The following KANSL2 variants were observed in gnomAD, a reference collection of about 807,000 sequenced individuals.
The protein encoded by KANSL2 is NSL complex protein NSL2.
A neutral mutation model predicts 55.6 loss-of-function variants in KANSL2; 34 were observed. The observed-to-expected ratio is 0.61, with a 90% CI of 0.46 to 0.81. The LOEUF (loss-of-function observed/expected upper bound fraction) is 0.81. KANSL2 is among the 40% of genes least tolerant of loss of function. The probability of loss-of-function intolerance (pLI) is 0.00; values close to 1 mark genes in which losing one functional copy is unlikely to be tolerated. For synonymous variants in KANSL2, 209 were observed against 214.3 expected, an observed-to-expected ratio of 0.98 and a Z score of 0.22; for missense variants, 502 against 609.9, an observed-to-expected ratio of 0.82 and a Z score of 1.86.
intron 5 of KANSL2, among the ~76,000 whole-genome samples, chr12:48,671,292 A>C (rs1939709045): frequency 6.8e-6 from 1 of 147,338 alleles, no homozygotes; most frequent in Non-Finnish European, 1.5e-5. Flanking sequence ...AAAAAAAATG[A>C]AAGTAAAAAA....
chr12:48,675,581 A>G (rs1199429620), intron 4 of KANSL2, among the ~76,000 whole-genome samples: 2 of 152,228 alleles, frequency 1.3e-5, no homozygotes, highest in Non-Finnish European at 2.9e-5. Context: ...AAATTGTTTT[A>G]AAAAATTAAT....
chr12:48,662,919 G>T (rs1243074768), intron 7 of KANSL2, among the ~76,000 whole-genome samples: 2 of 151,998 alleles, frequency 1.3e-5, no homozygotes, highest in Non-Finnish European at 2.9e-5. Context: ...GTGAAAAAAG[G>T]GCATTCACAA....
intron 9 of KANSL2, chr12:48,654,673 C>T: frequency 1.9e-6 from 1 of 531,360 alleles, no homozygotes; most frequent in Non-Finnish European, 3.5e-6. Flanking sequence ...AATGTATGTC[C>T]TACTCTGGGA....
intron 4 of KANSL2, among the ~76,000 whole-genome samples, chr12:48,674,146 C>G (rs1939778988): frequency 6.6e-6 from 1 of 151,928 alleles, no homozygotes; most frequent in African/African-American, 2.4e-5. Context: ...TGCTTTATTA[C>G]TTTTTCGTTT....
rs1000654104 is a variant in KANSL2, at chr12:48,659,276, A to G, written c.1227+1090T>C. On this transcript the variant is annotated intron_variant, in intron 8 of 9. Coordinates refer to ENST00000420613, the MANE Select transcript of KANSL2 (RefSeq NM_017822.4). ...ATCACTGCACTCCAGCTTGAACAAC[A>G]GAACAAGACTCAGTCTAAAAAAAAA... Among the ~76,000 whole-genome samples the G allele has an allele frequency of 8.6e-5, 13 of 151,380 alleles. 1 individual carries two copies. In the East Asian group the frequency reaches 2.6e-3, roughly 30 times the overall value.
chr12:48,673,348 T>C (rs1041794290), intron 4 of KANSL2, among the ~76,000 whole-genome samples: 1 of 151,174 alleles, frequency 6.6e-6, no homozygotes, highest in Non-Finnish European at 1.5e-5. Context: ...TCACCTGAGG[T>C]CAGGTGTTCA....
intron 5 of KANSL2, among the ~76,000 whole-genome samples, chr12:48,670,362 G>T (rs1939688185): frequency 6.6e-6 from 1 of 152,062 alleles, no homozygotes; most frequent in African/African-American, 2.4e-5. Context: ...GCCTCAGGCA[G>T]TTCTCTCAGA....
Position 48,660,473 on chromosome 12 carries a change from C to A in KANSL2, c.1120G>T (p.Glu374Ter). The A allele has an allele frequency of 1.2e-6, 2 of 1,613,808 alleles. No homozygotes were observed. Residue 374 changes from glutamate (E) to a stop codon, truncating the protein, a stop_gained, in exon 8 of 10, where the codon GAG becomes TAG. Coordinates refer to ENST00000420613, the MANE Select transcript of KANSL2 (RefSeq NM_017822.4). LOFTEE classifies it high-confidence loss of function. ...TCGTCTGGCACAGACAGTACCTGCTCGGGCTTATACATCTGAGGAGGCAAC... is the reference window on the plus strand; with the variant it reads ...TCGTCTGGCACAGACAGTACCTGCTAGGGCTTATACATCTGAGGAGGCAAC... ...FQLPPQMYKP[E>*]QVLSVPDDLE...
Position 48,660,512 on chromosome 12 carries a change from G to A in KANSL2, c.1081C>T (p.Pro361Ser), listed in dbSNP as rs1215283905. The change falls in exon 8 of 10, where the codon CCA (proline) becomes TCA (serine). Residue 361 changes from proline to serine, a missense_variant. Pro to Ser is a moderately conservative substitution (Grantham distance 74). Coordinates refer to ENST00000420613, the MANE Select transcript of KANSL2 (RefSeq NM_017822.4). Reference protein sequence around the residue: ...PVSLSEDPCCPLHFQLPPQMY... With the variant: ...PVSLSEDPCCSLHFQLPPQMY... ...TGAGGAGGCAACTGGAAATGCAGTG[G>A]GCAGCAGGGATCCTCAGAGAGGCTT... is the stretch of plus-strand genomic sequence containing the variant. 1 of 1,613,752 alleles carries A rather than the reference G, an allele frequency of 6.2e-7. No homozygotes were observed. The highest frequency in any genetic ancestry group is 2.2e-5 in the East Asian group (1 of 44,882).
In KANSL2 at chr12:48,653,526, TA is replaced by T. The variant is rs1939321597; in HGVS notation, c.*517del. 6.5e-6 allele frequency: 1 copy of T among 152,754 alleles called. No individual in the cohort carries two copies. Among genetic ancestry groups the T allele is most frequent in the Non-Finnish European group, 1.5e-5 (1 of 68,110 alleles). The allele number at this position is 152,754 out of a possible 1,614,324, so 9.5% of individuals were successfully genotyped here. A position where few individuals can be genotyped will look rare whatever the true frequency, so the allele number is the denominator to read the frequency against. On this transcript the variant is annotated 3_prime_UTR_variant, in exon 10 of 10. Transcript: ENST00000420613. The stretch of plus-strand genomic sequence containing the variant: ...AGCAACCACAGAAATTTACATAGGT[TA>T]AAAGCAAGACGGATAAGGAGGACCC...
intron 4 of KANSL2, among the ~76,000 whole-genome samples, chr12:48,672,961 G>C (rs1939754327): frequency 6.6e-6 from 1 of 151,960 alleles, no homozygotes; most frequent in African/African-American, 2.4e-5. Flanking sequence ...GTTTCTCCAT[G>C]TTGGTCAGGC....
chr12:48,666,201 ACT>A (rs1379283577), intron 7 of KANSL2, among the ~76,000 whole-genome samples: 4 of 152,048 alleles, frequency 2.6e-5, no homozygotes, highest in East Asian at 3.9e-4. Context: ...ACAGAGTAAG[ACT>A]CTGTCTCAAA....
At chr12:48,661,146 G>T in intron 7 of KANSL2, 1 of 588,428 alleles carries the variant, frequency 1.7e-6, no homozygotes, top group Non-Finnish European at 2.1e-6. Context: ...CAGAGCTCTA[G>T]TAAAAGTCAC....
chr12:48,680,975 C>CA (rs937516148), intron 2 of KANSL2, among the ~76,000 whole-genome samples: 1 of 151,622 alleles, frequency 6.6e-6, no homozygotes, highest in African/African-American at 2.4e-5. Context: ...GTGCGCCGCC[C>CA]CCCCGCCAAA....
chr12:48,665,799 G>A (rs1319945489), intron 7 of KANSL2, among the ~76,000 whole-genome samples: 3 of 152,114 alleles, frequency 2.0e-5, no homozygotes, highest in African/African-American at 7.2e-5. Flanking sequence ...TGGTTCAAAG[G>A]CAAATTAATT....
At chr12:48,662,233 T>C (rs1939500998) in intron 7 of KANSL2, among the ~76,000 whole-genome samples, 1 of 152,134 alleles carries the variant, frequency 6.6e-6, no homozygotes, top group Admixed American at 6.5e-5. Context: ...GACTCCAAAG[T>C]AGCTGGGATT....
intron 4 of KANSL2, among the ~76,000 whole-genome samples, chr12:48,676,104 TTTTA>T (rs1939815951): frequency 6.6e-6 from 1 of 152,106 alleles, no homozygotes; most frequent in South Asian, 2.1e-4. Flanking sequence ...GTAGACAAGC[TTTTA>T]TTTATTTTTT....
chr12:48,673,159 T>G (rs1939758535), intron 4 of KANSL2, among the ~76,000 whole-genome samples: 1 of 152,212 alleles, frequency 6.6e-6, no homozygotes, highest in Non-Finnish European at 1.5e-5. Context: ...CAGCTAATTT[T>G]CTTGACAATA....
intron 2 of KANSL2, among the ~76,000 whole-genome samples, chr12:48,680,972 G>GCCC (rs71453824): frequency 2.7e-5 from 4 of 148,238 alleles, no homozygotes; most frequent in African/African-American, 1.0e-4. Flanking sequence ...TCTGTGCGCC[G>GCCC]CCCCCCCGCC....
Sources: gnomAD v4.1 joint callset for allele counts (sites outside exome capture counted in the v4.1 genomes callset) on GRCh38, gnomAD v4.1.1 for gene constraint, MANE v1.5 for transcripts, NCBI Gene and HGNC (gene_info 2026-07-23, HGNC 2026-07-21) for gene names.